The following ATE1 variants were observed in gnomAD, a reference collection of about 807,000 sequenced individuals.
ATE1 encodes the protein arginyl-tRNA--protein transferase 1.
ATE1 carries 36 observed loss-of-function variants against 70.5 expected under a neutral mutation model. That is an observed-to-expected ratio of 0.51 (90% CI 0.39 to 0.67). The LOEUF is 0.67. Among genes scored for constraint, ATE1 ranks in the 30% least tolerant of loss-of-function variants. The pLI, the probability that ATE1 is intolerant of heterozygous loss-of-function variation, is 0.00. For synonymous variants in ATE1, 232 were observed against 219.3 expected (o/e 1.06, Z -0.51); for missense variants, 593 against 629.5 (o/e 0.94, Z 0.62).
intron 8 of ATE1, among the ~76,000 whole-genome samples, chr10:121,854,437 G>A (rs1949169867): frequency 6.6e-6 from 1 of 152,104 alleles, no homozygotes; most frequent in Non-Finnish European, 1.5e-5. Context: ...AGTTCTGGAG[G>A]TCATCCACTG....
chr10:121,803,380 G>A (rs1368536394), intron 10 of ATE1, among the ~76,000 whole-genome samples: 1 of 152,186 alleles, frequency 6.6e-6, no homozygotes, highest in Admixed American at 6.5e-5. Context: ...ATATAGAAAA[G>A]TTAAGTGACT....
chr10:121,746,094 A>C (rs1944359655), intron 11 of ATE1, among the ~76,000 whole-genome samples: 1 of 152,166 alleles, frequency 6.6e-6, no homozygotes, highest in African/African-American at 2.4e-5. Context: ...AGTACCTGAC[A>C]GCTCACCCTC....
At chr10:121,862,664 G>A (rs73364449) in intron 8 of ATE1, among the ~76,000 whole-genome samples, 4,959 of 147,186 alleles carry the variant, frequency 0.034, 147 homozygotes, top group African/African-American at 0.085. Context: ...ATGAGCTAAC[G>A]CGCCAGGCCT....
intron 8 of ATE1, among the ~76,000 whole-genome samples, chr10:121,860,110 T>C (rs1949415926): frequency 6.6e-6 from 1 of 152,192 alleles, no homozygotes; most frequent in Non-Finnish European, 1.5e-5. Context: ...TTGGTCATAA[T>C]ATCTAAGAAT....
intron 5 of ATE1, among the ~76,000 whole-genome samples, chr10:121,903,379 A>G (rs1453676817): frequency 1.3e-5 from 2 of 152,192 alleles, no homozygotes; most frequent in Non-Finnish European, 2.9e-5. Context: ...TACTGATCCC[A>G]GCGCAAACAC....
chr10:121,790,085 A>C, intron 11 of ATE1, 84 bp downstream of exon 11: 27 of 1,570,514 alleles, frequency 1.7e-5, no homozygotes, highest in Non-Finnish European at 2.3e-5. Flanking sequence ...AGCTACCTGG[A>C]CCCTGTTAAG....
chr10:121,861,632 G>A (rs1255958361), intron 8 of ATE1, among the ~76,000 whole-genome samples: 9 of 149,040 alleles, frequency 6.0e-5, no homozygotes, highest in African/African-American at 1.5e-4. Flanking sequence ...ATAGCATTGG[G>A]AGATATACCT....
At chr10:121,878,174 A>G (rs1423967568) in intron 7 of ATE1, among the ~76,000 whole-genome samples, 2 of 152,218 alleles carry the variant, frequency 1.3e-5, no homozygotes, top group East Asian at 3.8e-4. Context: ...ATTAATCTAC[A>G]GTGATAGAAG....
chr10:121,811,015 A>T lies in ATE1; in HGVS notation c.1258-20726T>A, dbSNP rs575714527. On this transcript the variant is annotated intron_variant, in intron 10 of 11. Transcript: ENST00000224652. ...CACGCCCAGCCAAAACAAATTTTTT[A>T]AAATAAAGTTTGCCATTTGATGTTA... is the stretch of plus-strand genomic sequence containing the variant. 9.8e-5 allele frequency among the ~76,000 whole-genome samples: 15 copies of T among 152,346 alleles called. No homozygotes were observed. The South Asian group carries it at 2.1e-3, about 21-fold the overall frequency.
intron 10 of ATE1, among the ~76,000 whole-genome samples, chr10:121,812,384 T>TA (rs941684219): frequency 5.9e-5 from 9 of 151,948 alleles, no homozygotes; most frequent in African/African-American, 9.7e-5. Flanking sequence ...ATTTACAATT[T>TA]AAAAAATCAA....
chr10:121,842,334 G>C (rs10736308), intron 8 of ATE1, among the ~76,000 whole-genome samples: 133,533 of 152,156 alleles, frequency 0.88, 58,913 homozygotes, highest in Middle Eastern at 0.95. Flanking sequence ...CAGTATCAAG[G>C]AGCATAAAAC....
At chr10:121,771,880 T>A (rs574381617) in intron 11 of ATE1, among the ~76,000 whole-genome samples, 1 of 152,352 alleles carries the variant, frequency 6.6e-6, no homozygotes, top group Non-Finnish European at 1.5e-5. Flanking sequence ...AAAAATGCAG[T>A]TTCACATCTC....
intron 8 of ATE1, among the ~76,000 whole-genome samples, chr10:121,849,067 C>T (rs1040781333): frequency 1.3e-5 from 2 of 151,542 alleles, no homozygotes; most frequent in Non-Finnish European, 2.9e-5. Flanking sequence ...AAAAATTAGC[C>T]AGGCATGGTG....
intron 11 of ATE1, among the ~76,000 whole-genome samples, chr10:121,769,833 C>A (rs1312906700): frequency 1.3e-5 from 2 of 152,158 alleles, no homozygotes; most frequent in Non-Finnish European, 2.9e-5. Context: ...TACATTAGAA[C>A]AGCTAAAATA....
At chr10:121,822,898 C>T (rs764588419) in intron 10 of ATE1, among the ~76,000 whole-genome samples, 6 of 152,156 alleles carry the variant, frequency 3.9e-5, no homozygotes, top group Non-Finnish European at 7.3e-5. Flanking sequence ...GCATCTCTCA[C>T]GATGTTTTAT....
At position 121,743,729 on chromosome 10, in the gene ATE1, C is replaced by G. The variant is rs752416555; in HGVS notation, c.1508G>C (p.Ser503Thr). ...CTCGGAGCACTTCTGCCCCACCAGG[C>G]TGGCGTACTGCAGAACAGCAGCCTC... ...SEEAAVLQYA[S>T]LVGQKCSERM... Residue 503 changes from serine to threonine, a missense_variant, in exon 12 of 12, where the codon AGC becomes ACC. Physicochemically the swap from Ser to Thr is moderately conservative, Grantham distance 58. Around this residue, in one of 3 missense-constraint regions of ATE1, gnomAD observed 90 missense variants for 93.7 expected, o/e 0.96. Coordinates refer to ENST00000224652, the MANE Select transcript of ATE1 (RefSeq NM_001001976.3). 3.2e-5 allele frequency: 51 copies of G among 1,614,020 alleles called. No homozygotes were observed. The highest frequency in any genetic ancestry group is 4.2e-5 in the Non-Finnish European group (50 of 1,180,008).
At chr10:121,838,500 T>C (rs1246102698) in intron 9 of ATE1, among the ~76,000 whole-genome samples, 1 of 152,198 alleles carries the variant, frequency 6.6e-6, no homozygotes, top group Non-Finnish European at 1.5e-5. Context: ...AACTTCTTCC[T>C]ACCCTCAGAT....
At chr10:121,901,526 A>C (rs1013885824) in intron 6 of ATE1, among the ~76,000 whole-genome samples, 3 of 152,056 alleles carry the variant, frequency 2.0e-5, no homozygotes, top group Non-Finnish European at 2.9e-5. Flanking sequence ...GTGTGATCTC[A>C]GCTCGCTACA....
intron 11 of ATE1, among the ~76,000 whole-genome samples, chr10:121,789,534 C>T (rs566862831): frequency 2.0e-5 from 3 of 151,770 alleles, no homozygotes; most frequent in Non-Finnish European, 2.9e-5. Flanking sequence ...CCTGACCTCA[C>T]GTGATCTGCC....
Sources: gnomAD v4.1 joint callset for allele counts (sites outside exome capture counted in the v4.1 genomes callset) on GRCh38, gnomAD v4.1.1 for gene constraint, gnomAD v4.1.1 regional missense constraint, MANE v1.5 for transcripts, NCBI Gene and HGNC (gene_info 2026-07-23, HGNC 2026-07-21) for gene names.